SLC25A21: variants seen among roughly 807,000 people sequenced by gnomAD.
SLC25A21 encodes mitochondrial 2-oxodicarboxylate carrier.
Under a neutral mutation model 43.8 loss-of-function variants are expected in SLC25A21, and 47 were observed. That is an observed-to-expected ratio of 1.07 (90% CI 0.85 to 1.37). The LOEUF (loss-of-function observed/expected upper bound fraction) is 1.37. Ranked by LOEUF, SLC25A21 falls within the 40% of genes most tolerant of loss-of-function variation. The pLI is 0.00. For synonymous variants in SLC25A21, 131 were observed against 121.3 expected, an observed-to-expected ratio of 1.08 and a Z score of -0.52; for missense variants, 352 against 350.2, an observed-to-expected ratio of 1.00 and a Z score of -0.04.
chr14:37,080,750 G>A (rs1337345043), intron 1 of SLC25A21, among the ~76,000 whole-genome samples: 2 of 152,098 alleles, frequency 1.3e-5, no homozygotes, highest in Non-Finnish European at 2.9e-5. Flanking sequence ...TAAGTGACTG[G>A]CTCATTCAAC....
intron 1 of SLC25A21, among the ~76,000 whole-genome samples, chr14:36,913,937 C>A (rs1365827630): frequency 2.0e-5 from 3 of 152,146 alleles, no homozygotes; most frequent in African/African-American, 7.2e-5. Flanking sequence ...TGGACTGTTA[C>A]AATATGTGAT....
rs74045203 is a variant in SLC25A21, at chr14:36,927,960, A to G, written c.71-52956T>C. 9.6e-3 allele frequency among the ~76,000 whole-genome samples: 1,466 copies of G among 152,246 alleles called. 28 individuals are homozygous for G. Among genetic ancestry groups the G allele is most frequent in the African/African-American group, 0.033 (1,363 of 41,536 alleles). The stretch of plus-strand genomic sequence containing the variant: ...GTATATCAACTGGCCCTCATTAGGA[A>G]TTCCTGGTGTCTAGCATACAACCGA... On this transcript the variant is annotated intron_variant, in intron 1 of 9. Transcript: ENST00000331299.
At chr14:36,911,682 A>G (rs1485361624) in intron 1 of SLC25A21, among the ~76,000 whole-genome samples, 15 of 152,134 alleles carry the variant, frequency 9.9e-5, no homozygotes, top group Admixed American at 9.8e-4. Flanking sequence ...CCAGCTCTGC[A>G]AGGGAGTCTT....
chr14:37,108,040 T>C (rs375393815), intron 1 of SLC25A21, among the ~76,000 whole-genome samples: 2 of 152,310 alleles, frequency 1.3e-5, no homozygotes, highest in South Asian at 4.1e-4. Context: ...TCTACTACCA[T>C]GGGCAAGGCT....
chr14:36,813,974 A>T lies in SLC25A21; in HGVS notation c.147T>A (p.Asp49Glu). ...CTACCAAGCTTTTATAACTGTTTGG[A>T]TCGGTTGCACATCTCTGAATCTGAA... is the stretch of plus-strand genomic sequence containing the variant. ...TRFQIQRCAT[D>E]PNSYKSLVDS... The change falls in exon 3 of 10, where the codon GAT becomes GAA. Residue 49 changes from aspartate to glutamate, a missense_variant. By Grantham distance (45) the Asp-to-Glu change is conservative. Transcript: ENST00000331299. 1 of 1,610,216 alleles carries T rather than the reference A, an allele frequency of 6.2e-7. No homozygotes were observed. The highest frequency in any genetic ancestry group is 2.2e-5 in the East Asian group (1 of 44,620).
At chr14:36,955,567 G>T (rs146519046) in intron 1 of SLC25A21, among the ~76,000 whole-genome samples, 2 of 152,134 alleles carry the variant, frequency 1.3e-5, no homozygotes, top group East Asian at 3.9e-4. Flanking sequence ...ACTGCTAGTA[G>T]CAACTCACCA....
intron 1 of SLC25A21, among the ~76,000 whole-genome samples, chr14:37,075,543 G>C (rs1240562246): frequency 6.6e-6 from 1 of 151,950 alleles, no homozygotes; most frequent in Non-Finnish European, 1.5e-5. Context: ...AGAGTGACGG[G>C]GGAAGGAGGG....
chr14:37,035,389 C>T (rs189610501), intron 1 of SLC25A21, among the ~76,000 whole-genome samples: 13 of 152,192 alleles, frequency 8.5e-5, no homozygotes, highest in Admixed American at 4.6e-4. Context: ...GTTTTCTTCA[C>T]GAGAGTAGCT....
intron 1 of SLC25A21, among the ~76,000 whole-genome samples, chr14:36,981,661 G>A (rs1256287608): frequency 6.6e-6 from 1 of 152,034 alleles, no homozygotes; most frequent in Non-Finnish European, 1.5e-5. Context: ...ACACAGGGTG[G>A]GGAACATCAC....
chr14:36,802,331 C>T (rs1887895739), intron 3 of SLC25A21, among the ~76,000 whole-genome samples: 1 of 151,780 alleles, frequency 6.6e-6, no homozygotes, highest in Admixed American at 6.6e-5. Context: ...TATAGGAGCC[C>T]CAAATATTAT....
chr14:37,139,251 A>C (rs953726130), intron 1 of SLC25A21, among the ~76,000 whole-genome samples: 1 of 152,112 alleles, frequency 6.6e-6, no homozygotes, highest in Non-Finnish European at 1.5e-5. Flanking sequence ...AGTCTGCTAA[A>C]CATGTACAAT....
chr14:36,998,382 C>T (rs1355827491), intron 1 of SLC25A21, among the ~76,000 whole-genome samples: 8 of 152,010 alleles, frequency 5.3e-5, no homozygotes, highest in African/African-American at 9.7e-5. Context: ...ATTTGGAATA[C>T]GGACAGAGAT....
chr14:37,027,411 T>C (rs889017901), intron 1 of SLC25A21, among the ~76,000 whole-genome samples: 3 of 152,158 alleles, frequency 2.0e-5, no homozygotes, highest in East Asian at 1.9e-4. Context: ...AAATCAGGCA[T>C]TGACCTCAGA....
intron 3 of SLC25A21, among the ~76,000 whole-genome samples, chr14:36,791,606 T>C (rs1887486153): frequency 6.6e-6 from 1 of 152,196 alleles, no homozygotes; most frequent in Non-Finnish European, 1.5e-5. Flanking sequence ...TTCACAGACA[T>C]AAAAGTGATT....
chr14:36,918,878 AG>A (rs1159321293), intron 1 of SLC25A21, among the ~76,000 whole-genome samples: 5 of 152,110 alleles, frequency 3.3e-5, no homozygotes, highest in African/African-American at 4.8e-5. Flanking sequence ...TTTAAGTGTA[AG>A]ACACATAAAT....
chr14:37,078,079 T>A (rs1479269871), intron 1 of SLC25A21, among the ~76,000 whole-genome samples: 2 of 152,170 alleles, frequency 1.3e-5, no homozygotes, highest in Non-Finnish European at 2.9e-5. Flanking sequence ...AAAGATGACA[T>A]ATTGCTCGTC....
rs577713539 is a variant in SLC25A21 at position 37,083,618 on chromosome 14, G to C, written c.70+88663C>G. Among the ~76,000 whole-genome samples, 47 of 152,274 alleles carry C rather than the reference G, an allele frequency of 3.1e-4. No homozygotes were observed. In the South Asian group the frequency reaches 9.7e-3, roughly 32 times the overall value. On this transcript the variant is annotated intron_variant, in intron 1 of 9. Coordinates refer to ENST00000331299, the MANE Select transcript of SLC25A21 (RefSeq NM_030631.4). The stretch of plus-strand genomic sequence containing the variant: ...CCACGAAAGCTGAAATTTAAATGAA[G>C]TCTGTCTAAAGTGTCTAAAGTACTG...
intron 1 of SLC25A21, among the ~76,000 whole-genome samples, chr14:36,907,182 C>T (rs1891558060): frequency 6.6e-6 from 1 of 152,066 alleles, no homozygotes; most frequent in South Asian, 2.1e-4. Flanking sequence ...AGTTTTTTAT[C>T]ATGTACTTGG....
intron 1 of SLC25A21, among the ~76,000 whole-genome samples, chr14:37,120,065 T>C (rs1448596050): frequency 1.3e-5 from 2 of 152,172 alleles, no homozygotes; most frequent in Admixed American, 6.5e-5. Context: ...TATATTAAAA[T>C]TTCACCACAG....
Sources: gnomAD v4.1 joint callset for allele counts (sites outside exome capture counted in the v4.1 genomes callset) on GRCh38, gnomAD v4.1.1 for gene constraint, MANE v1.5 for transcripts, NCBI Gene and HGNC (gene_info 2026-07-23, HGNC 2026-07-21) for gene names.